Variants in PARD3B observed in about 807,000 individuals in gnomAD.
PARD3B encodes the protein par-3 family cell polarity regulator beta.
PARD3B carries 103 observed loss-of-function variants against 130.2 expected under a neutral mutation model. That is an observed-to-expected ratio of 0.79 (90% confidence interval 0.67 to 0.93). The LOEUF (loss-of-function observed/expected upper bound fraction) is 0.93, where lower values mean the gene tolerates loss of function less well. Ranked by LOEUF, PARD3B falls within the 40% of genes least tolerant of loss-of-function variation. PARD3B has a pLI of 0.00. For missense variants in PARD3B, 1,609 were observed against 1,499.2 expected (o/e 1.07, Z -1.21); for synonymous variants, 583 against 553.2 (o/e 1.05, Z -0.76).
At chr2:205,582,665 A>AT (rs1559239957) in intron 22 of PARD3B, among the ~76,000 whole-genome samples, 3 of 147,774 alleles carry the variant, frequency 2.0e-5, no homozygotes, top group African/African-American at 7.7e-5. Flanking sequence ...AAGGAAGGTT[A>AT]TTGTTTTTTT....
In PARD3B at chr2:205,292,629, C is replaced by T. The variant is rs62171476; in HGVS notation, c.2186-7901C>T. ...CCAGACACACAGTCCCTCAAGGGCA[C>T]ACTGTCATTGAGATGGAAGGTAAGT... On this transcript the variant is annotated intron_variant, in intron 16 of 22. Coordinates refer to ENST00000406610, the MANE Select transcript of PARD3B (RefSeq NM_001302769.2). This position sits in a 1 kb window ranked among gnomAD's most constrained non-coding sequence, Gnocchi z 5.3. 0.031 allele frequency among the ~76,000 whole-genome samples: 4,650 copies of T among 152,232 alleles called. 82 individuals carry two copies. The highest frequency in any genetic ancestry group is 0.058 in the Middle Eastern group (17 of 294).
chr2:205,126,639 G>A (rs112373916), intron 10 of PARD3B, among the ~76,000 whole-genome samples: 9,574 of 150,652 alleles, frequency 0.064, 365 homozygotes, highest in Middle Eastern at 0.18. Context: ...CCAGCTACTC[G>A]GGAGGCTGAG....
intron 15 of PARD3B, among the ~76,000 whole-genome samples, chr2:205,231,751 A>G (rs2038848633): frequency 6.6e-6 from 1 of 152,214 alleles, no homozygotes; most frequent in Admixed American, 6.5e-5. Flanking sequence ...GCTATGAGTC[A>G]GGGAAAGCAA....
At position 205,079,853 on chromosome 2, in the gene PARD3B, G is replaced by A. The variant is rs889764899; in HGVS notation, c.505-24573G>A. Among the ~76,000 whole-genome samples, 3 of 151,856 alleles carry A rather than the reference G, an allele frequency of 2.0e-5. 1 individual carries two copies. Among genetic ancestry groups the A allele is most frequent in the Admixed American group, 2.0e-4 (3 of 15,226 alleles). On this transcript the variant is annotated intron_variant, in intron 4 of 22. Transcript: ENST00000406610. ...TTCTCCATGAATTATAAAATCACAG[G>A]CAGATACCATATAGTTTATATTTAT... is the stretch of plus-strand genomic sequence containing the variant.
intron 3 of PARD3B, among the ~76,000 whole-genome samples, chr2:205,041,565 C>T (rs540964413): frequency 5.9e-5 from 9 of 152,184 alleles, no homozygotes; most frequent in South Asian, 4.2e-4. Context: ...CCTCTCTGTG[C>T]GTGAGGTCCT....
chr2:205,517,223 TTTG>T (rs758535827), intron 21 of PARD3B, among the ~76,000 whole-genome samples: 10 of 152,264 alleles, frequency 6.6e-5, no homozygotes, highest in South Asian at 2.1e-4. Context: ...GGCTTTAAGC[TTTG>T]TTGTTGTTGT....
intron 19 of PARD3B, among the ~76,000 whole-genome samples, chr2:205,436,540 A>G (rs979574285): frequency 6.6e-6 from 1 of 152,142 alleles, no homozygotes; most frequent in Admixed American, 6.6e-5. Context: ...GTATTTAAGT[A>G]TGACCATTAA....
chr2:204,935,357 G>A lies in PARD3B; in HGVS notation c.223-29795G>A, dbSNP rs1444225075. On this transcript the variant is annotated intron_variant, in intron 2 of 22. Transcript: ENST00000406610. ...ATCCTGGCTAACACGGTGAAACCCT[G>A]TCTCTACTAAAAATACAAAAAAAAA... is the stretch of plus-strand genomic sequence containing the variant. Among the ~76,000 whole-genome samples the A allele has an allele frequency of 2.2e-3, 303 of 138,654 alleles. 4 individuals carry two copies. Among genetic ancestry groups the A allele is most frequent in the Middle Eastern group, 0.016 (4 of 256 alleles). 91.0% of individuals were successfully genotyped at this position (138,654 alleles called of 152,430 possible).
In PARD3B at chr2:205,563,153, T is replaced by C. The variant is rs1252662351; in HGVS notation, c.3260+9750T>C. On this transcript the variant is annotated intron_variant, in intron 22 of 22. Transcript: ENST00000406610. The surrounding 1 kb of genome is among the most constrained non-coding windows in gnomAD (Gnocchi z 4.2). ...GTAAAATCACTAGTCTTATTTTCCATTTTTATATACCAAGATCTGCATGCA... is the reference window on the plus strand; with the variant it reads ...GTAAAATCACTAGTCTTATTTTCCACTTTTATATACCAAGATCTGCATGCA... Among the ~76,000 whole-genome samples, 2 of 152,240 alleles carry C rather than the reference T, an allele frequency of 1.3e-5. No individual in the cohort carries two copies. Among genetic ancestry groups the C allele is most frequent in the Non-Finnish European group, 2.9e-5 (2 of 68,046 alleles).
chr2:205,296,322 C>G (rs374991752), intron 16 of PARD3B, among the ~76,000 whole-genome samples: 50 of 152,280 alleles, frequency 3.3e-4, no homozygotes, highest in African/African-American at 1.1e-3. Context: ...GTTTTATTCT[C>G]AATTATTCAA....
intron 2 of PARD3B, among the ~76,000 whole-genome samples, chr2:204,705,660 C>G (rs2038107583): frequency 6.6e-6 from 1 of 152,144 alleles, no homozygotes; most frequent in Admixed American, 6.5e-5. Flanking sequence ...AAGCCACTGA[C>G]TGACTAGATA....
intron 4 of PARD3B, among the ~76,000 whole-genome samples, chr2:205,063,929 T>TA (rs66999700): frequency 0.28 from 42,319 of 150,784 alleles, 6,224 homozygotes; most frequent in South Asian, 0.51. Flanking sequence ...TGCTTGGAAA[T>TA]AAAAAAAAAC....
At chr2:204,752,433 ATCTAATGAAT>A (rs1303823920) in intron 2 of PARD3B, among the ~76,000 whole-genome samples, 2 of 152,196 alleles carry the variant, frequency 1.3e-5, no homozygotes, top group Non-Finnish European at 2.9e-5. Flanking sequence ...ACAAGCACAC[ATCTAATGAAT>A]TCGTACTTTT....
intron 1 of PARD3B, among the ~76,000 whole-genome samples, chr2:204,618,683 C>T (rs951653887): frequency 6.6e-6 from 1 of 152,146 alleles, no homozygotes; most frequent in African/African-American, 2.4e-5. Context: ...TAGTGTATTT[C>T]TTGCAATTAA....
intron 15 of PARD3B, among the ~76,000 whole-genome samples, chr2:205,242,521 A>G (rs1316340447): frequency 2.0e-5 from 3 of 152,130 alleles, no homozygotes; most frequent in Non-Finnish European, 4.4e-5. Context: ...CCACTGCAGG[A>G]TGATTTAGGA....
At chr2:204,858,909 A>G (rs1343163313) in intron 2 of PARD3B, among the ~76,000 whole-genome samples, 2 of 151,496 alleles carry the variant, frequency 1.3e-5, no homozygotes, top group Non-Finnish European at 2.9e-5. Context: ...GCTTCAGAGT[A>G]TTTATTGCTT....
intron 1 of PARD3B, among the ~76,000 whole-genome samples, chr2:204,591,794 C>A (rs2033082509): frequency 2.6e-5 from 4 of 152,120 alleles, no homozygotes; most frequent in Admixed American, 2.6e-4. Flanking sequence ...TTTTTACGAA[C>A]TTTTACATAT....
chr2:204,615,467 T>C (rs780241424), intron 1 of PARD3B, among the ~76,000 whole-genome samples: 2 of 152,176 alleles, frequency 1.3e-5, no homozygotes, highest in African/African-American at 2.4e-5. Context: ...ACACATCTCA[T>C]TGTACAGTAT....
chr2:204,815,971 G>A (rs762534833), intron 2 of PARD3B, among the ~76,000 whole-genome samples: 3 of 151,978 alleles, frequency 2.0e-5, no homozygotes, highest in Non-Finnish European at 4.4e-5. Flanking sequence ...TACATTGGTT[G>A]ATAATGTTTT....
Sources: allele counts gnomAD v4.1 joint callset (sites outside exome capture counted in the v4.1 genomes callset), GRCh38; gene constraint gnomAD v4.1.1; non-coding constraint Gnocchi (gnomAD v3.1); transcripts MANE v1.5; gene names NCBI Gene and HGNC (gene_info 2026-07-23, HGNC 2026-07-21).